The following THSD4 variants were observed in gnomAD, a reference collection of about 807,000 sequenced individuals.
THSD4 encodes the protein thrombospondin type 1 domain containing 4.
In THSD4, 69 loss-of-function variants were observed where a neutral mutation model predicts 119.0. That is an observed-to-expected ratio of 0.58 (90% confidence interval 0.48 to 0.71). The LOEUF (loss-of-function observed/expected upper bound fraction) is 0.71. Ranked by LOEUF, THSD4 falls within the 30% of genes least tolerant of loss-of-function variation. The pLI, the probability that THSD4 is intolerant of heterozygous loss-of-function variation, is 0.00. For synonymous variants in THSD4, 524 were observed against 540.4 expected (o/e 0.97, Z 0.42); for missense variants, 1,393 against 1,391.1 (o/e 1.00, Z -0.02).
intron 1 of THSD4, among the ~76,000 whole-genome samples, chr15:71,140,170 A>G (rs2040589118): frequency 6.6e-6 from 1 of 152,222 alleles, no homozygotes; most frequent in Non-Finnish European, 1.5e-5. Context: ...GCATTGCTAT[A>G]AAGGAATGCT....
chr15:71,652,030 C>T lies in THSD4; in HGVS notation c.1153-8500C>T, dbSNP rs572781798. On this transcript the variant is annotated intron_variant, in intron 7 of 17. Coordinates refer to ENST00000261862, the MANE Select transcript of THSD4 (RefSeq NM_024817.3). ...TGCATTGGTAGACACAGGCCATCTG[C>T]GCTCAGGAGGCCCTGTAAATCAGGC... is the stretch of plus-strand genomic sequence containing the variant. Among the ~76,000 whole-genome samples the T allele has an allele frequency of 3.3e-5, 5 of 152,318 alleles. No homozygotes were observed. In the South Asian group the frequency reaches 1.0e-3, roughly 32 times the overall value.
chr15:71,180,484 T>C (rs1245025565), intron 3 of THSD4, among the ~76,000 whole-genome samples: 1 of 152,170 alleles, frequency 6.6e-6, no homozygotes, highest in Non-Finnish European at 1.5e-5. Flanking sequence ...ATGTGCATTA[T>C]CTGATTGTGG....
At chr15:71,561,712 T>C (rs2049120064) in intron 7 of THSD4, among the ~76,000 whole-genome samples, 1 of 152,076 alleles carries the variant, frequency 6.6e-6, no homozygotes, top group Non-Finnish European at 1.5e-5. Context: ...TAAAATGGAA[T>C]GACAGAGTGA....
chr15:71,526,974 C>G (rs564251104), intron 7 of THSD4, among the ~76,000 whole-genome samples: 5 of 152,152 alleles, frequency 3.3e-5, no homozygotes, highest in African/African-American at 1.2e-4. Context: ...CTGAATCTTC[C>G]CCAAAATTCA....
intron 3 of THSD4, among the ~76,000 whole-genome samples, chr15:71,172,384 A>G (rs763468938): frequency 3.3e-5 from 5 of 151,980 alleles, no homozygotes; most frequent in Non-Finnish European, 7.4e-5. Flanking sequence ...ATGGTTCAAG[A>G]AACTCAATAT....
chr15:71,238,010 T>C (rs1238074639), intron 4 of THSD4, among the ~76,000 whole-genome samples: 2 of 152,152 alleles, frequency 1.3e-5, no homozygotes, highest in African/African-American at 4.8e-5. Context: ...CTTAGAACCC[T>C]TACTGTGCAC....
At chr15:71,748,718 G>A in intron 14 of THSD4, 124 bp downstream of exon 14, 1 of 1,216,028 alleles carries the variant, frequency 8.2e-7, no homozygotes, top group South Asian at 1.5e-5. Context: ...GGAAAAAAAA[G>A]GCCCAGAGAG....
At chr15:71,469,610 A>G (rs552964746) in intron 7 of THSD4, among the ~76,000 whole-genome samples, 7 of 152,310 alleles carry the variant, frequency 4.6e-5, no homozygotes, top group Admixed American at 1.3e-4. Context: ...ACCCACATGA[A>G]TACATTTAGC....
intron 6 of THSD4, among the ~76,000 whole-genome samples, chr15:71,373,125 T>C (rs1213516089): frequency 1.3e-5 from 2 of 152,264 alleles, no homozygotes; most frequent in Middle Eastern, 3.2e-3. Context: ...GGAAACAGTT[T>C]ATCTAAATAG....
intron 7 of THSD4, among the ~76,000 whole-genome samples, chr15:71,464,307 G>C (rs2047469240): frequency 6.6e-6 from 1 of 152,216 alleles, no homozygotes; most frequent in African/African-American, 2.4e-5. Context: ...TAGAAAGGCG[G>C]TGGGTGGCCA....
intron 4 of THSD4, among the ~76,000 whole-genome samples, chr15:71,234,819 A>G (rs1596282935): frequency 1.3e-5 from 2 of 152,260 alleles, no homozygotes; most frequent in African/African-American, 4.8e-5. Flanking sequence ...CTCACTCTAG[A>G]AGAACTGTGT....
chr15:71,249,632 A>G (rs778556353), intron 5 of THSD4, among the ~76,000 whole-genome samples: 2 of 152,052 alleles, frequency 1.3e-5, no homozygotes, highest in African/African-American at 4.8e-5. Flanking sequence ...ATTTATATAC[A>G]CAAGAATTGT....
chr15:71,479,084 A>ATTTT (rs59172567), intron 7 of THSD4, among the ~76,000 whole-genome samples: 1 of 126,902 alleles, frequency 7.9e-6, no homozygotes, highest in Non-Finnish European at 1.6e-5. Context: ...GGCAGAGTGT[A>ATTTT]TTTTTTTTTT....
chr15:71,459,356 C>CTCTG (rs2047389271), intron 7 of THSD4, among the ~76,000 whole-genome samples: 5 of 140,470 alleles, frequency 3.6e-5, no homozygotes, highest in African/African-American at 7.7e-5. Flanking sequence ...GTCTCTCTCT[C>CTCTG]TCTCTCTGTC....
intron 7 of THSD4, chr15:71,547,620 C>A (rs2048857717): frequency 3.1e-6 from 3 of 983,066 alleles, no homozygotes; most frequent in Non-Finnish European, 4.3e-6. Context: ...TTGTAGGCTT[C>A]TCTTGCCTTT....
chr15:71,446,734 C>T (rs150351155), intron 7 of THSD4, among the ~76,000 whole-genome samples: 1 of 152,248 alleles, frequency 6.6e-6, no homozygotes, highest in African/African-American at 2.4e-5. Context: ...TTTCTCTCTG[C>T]CAAACTCTGT....
chr15:71,131,469 GAA>G (rs1238641263), intron 1 of THSD4, among the ~76,000 whole-genome samples: 3 of 113,246 alleles, frequency 2.6e-5, no homozygotes, highest in Non-Finnish European at 3.7e-5. Flanking sequence ...GACTCCATCT[GAA>G]AAAAAAAAAA....
chr15:71,669,343 T>C (rs2141010702), intron 8 of THSD4, among the ~76,000 whole-genome samples: 1 of 152,362 alleles, frequency 6.6e-6, no homozygotes, highest in South Asian at 2.1e-4. Flanking sequence ...TGGTGATGTC[T>C]ATCTAAAATA....
intron 7 of THSD4, among the ~76,000 whole-genome samples, chr15:71,622,930 A>T (rs559856925): frequency 5.9e-5 from 9 of 152,120 alleles, no homozygotes; most frequent in Non-Finnish European, 1.2e-4. Flanking sequence ...ATTTGGATTG[A>T]TAAAGAAAAT....
Sources: gnomAD v4.1 joint callset for allele counts (sites outside exome capture counted in the v4.1 genomes callset) on GRCh38, gnomAD v4.1.1 for gene constraint, MANE v1.5 for transcripts, NCBI Gene and HGNC (gene_info 2026-07-23, HGNC 2026-07-21) for gene names.